Variants in SH2D3A observed in about 807,000 individuals in gnomAD.
SH2D3A encodes the protein SH2 domain-containing protein 3A.
Under a neutral mutation model 50.6 loss-of-function variants are expected in SH2D3A, and 46 were observed. The ratio of observed to expected loss-of-function variants is 0.91; its 90% CI spans 0.72 to 1.16. The LOEUF is 1.16. Ranked by LOEUF, SH2D3A falls within the 50% of genes most tolerant of loss-of-function variation. SH2D3A has a pLI of 0.00. For synonymous variants in SH2D3A, 377 were observed against 348.4 expected, an observed-to-expected ratio of 1.08 and a Z score of -0.91; for missense variants, 783 against 786.2, an observed-to-expected ratio of 1.00 and a Z score of 0.05.
At position 6,752,308 on chromosome 19, in the gene SH2D3A, T is replaced by G; in HGVS notation, c.*285A>C. 1 of 329,968 alleles carries G rather than the reference T, an allele frequency of 3.0e-6. No homozygotes were observed. The highest frequency in any genetic ancestry group is 5.5e-6 in the Non-Finnish European group (1 of 182,756). 20.4% of individuals were successfully genotyped at this position (329,968 alleles called of 1,614,324 possible). The stretch of plus-strand genomic sequence containing the variant: ...CTGAGATTACAGGCCTGAGCTGCTG[T>G]ATGGCTATGATTTTGTTAAAGGCCG... On this transcript the variant is annotated 3_prime_UTR_variant, in exon 10 of 10. Transcript: ENST00000245908.
Position 6,754,130 on chromosome 19 carries a change from G to C in SH2D3A, c.1306C>G (p.Arg436Gly). 1 of 1,613,378 alleles carries C rather than the reference G, an allele frequency of 6.2e-7. No individual in the cohort carries two copies. Among genetic ancestry groups the C allele is most frequent in the Non-Finnish European group, 8.5e-7 (1 of 1,179,752 alleles). Residue 436 changes from arginine (R) to glycine (G), a missense_variant, in exon 8 of 10, where the codon CGA becomes GGA. Physicochemically the swap from Arg to Gly is moderately radical, Grantham distance 125. Transcript: ENST00000245908. The part of the protein sequence containing the change: ...SRLEHTWRQL[R>G]RSHTEAALAF... ...AGCGCAGCCTCCGTGTGGCTCCTTCGGAGCTGGCGCCACGTGTGCTCCAAC... is the reference window on the plus strand; with the variant it reads ...AGCGCAGCCTCCGTGTGGCTCCTTCCGAGCTGGCGCCACGTGTGCTCCAAC...
At position 6,760,621 on chromosome 19, in the gene SH2D3A, A is replaced by C; in HGVS notation, c.419+17T>G. On this transcript the variant is annotated intron_variant, in intron 3 of 9. Coordinates refer to ENST00000245908, the MANE Select transcript of SH2D3A (RefSeq NM_005490.3). ...GAGTGTTGGGTGTTCTCAAGGAGGC[A>C]GGGAGACTGTGAGTACCTGAGAGGC... The C allele has an allele frequency of 6.5e-7, 1 of 1,528,740 alleles. No homozygotes were observed. The highest frequency in any genetic ancestry group is 8.8e-7 in the Non-Finnish European group (1 of 1,136,060). 94.7% of individuals were successfully genotyped at this position (1,528,740 alleles called of 1,614,324 possible).
intron 4 of SH2D3A, chr19:6,757,770 C>A: frequency 6.6e-6 from 1 of 152,262 alleles, no homozygotes; most frequent in Non-Finnish European, 1.5e-5. Context: ...CATGGGGAAA[C>A]CCCATCTCCA....
chr19:6,756,476 T>C lies in SH2D3A; in HGVS notation c.497-1161A>G, dbSNP rs145455556. Among the ~76,000 whole-genome samples, 173 of 152,098 alleles carry C rather than the reference T, an allele frequency of 1.1e-3. 4 individuals carry two copies. In the East Asian group the frequency reaches 0.029, roughly 25 times the overall value. On this transcript the variant is annotated intron_variant, in intron 4 of 9. Coordinates refer to ENST00000245908, the MANE Select transcript of SH2D3A (RefSeq NM_005490.3). ...ATTTCTTCTTAAAAAAAAAGATACA[T>C]GTGCAGAATGTGCAGGTTCAGTATC...
At chr19:6,755,418 C>G in intron 4 of SH2D3A, 103 bp from the exon 5 acceptor site, 1 of 767,476 alleles carries the variant, frequency 1.3e-6, no homozygotes, top group East Asian at 2.7e-5. Flanking sequence ...TCCATCCACT[C>G]ATTCCAATAA....
At position 6,754,067 on chromosome 19, in the gene SH2D3A, G is replaced by A; in HGVS notation, c.1369C>T (p.Leu457=). ...CTTCACTTACCAGCGCCCTCATCCA[G>A]AGCCCGCATCAGCGGCTTCAGCTCC... The part of the protein sequence containing the change: ...EQELKPLMRA[L]DEGAGPCDPG... The change falls in exon 8 of 10, where the codon CTG becomes TTG. Residue 457 remains leucine, a synonymous_variant. Transcript: ENST00000245908. The A allele has an allele frequency of 6.2e-7, 1 of 1,608,462 alleles. No individual in the cohort carries two copies. Among genetic ancestry groups the A allele is most frequent in the Non-Finnish European group, 8.5e-7 (1 of 1,176,708 alleles).
At position 6,753,048 on chromosome 19, in the gene SH2D3A, C is replaced by G. The variant is rs1969408465; in HGVS notation, c.1571-295G>C. Reference sequence around the variant, plus strand: ...GCTGTGCCTGGACGTGGGGCTGCCCCGAGGACGGGATCCCAGGTTGTCGGG... The same window carrying G: ...GCTGTGCCTGGACGTGGGGCTGCCCGGAGGACGGGATCCCAGGTTGTCGGG... On this transcript the variant is annotated intron_variant, in intron 9 of 9. Coordinates refer to ENST00000245908, the MANE Select transcript of SH2D3A (RefSeq NM_005490.3). 2.6e-5 allele frequency: 26 copies of G among 984,456 alleles called. 1 individual carries two copies. The highest frequency in any genetic ancestry group is 1.0e-3 in the Middle Eastern group (2 of 1,934). The allele number at this position is 984,456 out of a possible 1,614,324, so 61.0% of individuals were successfully genotyped here.
intron 1 of SH2D3A, among the ~76,000 whole-genome samples, chr19:6,766,955 G>A (rs986426271): frequency 1.3e-5 from 2 of 152,162 alleles, no homozygotes; most frequent in Admixed American, 6.6e-5. Flanking sequence ...AGATGGACTT[G>A]CTTTTTACAT....
intron 9 of SH2D3A, chr19:6,753,064 G>A: frequency 1.0e-6 from 1 of 985,290 alleles, no homozygotes; most frequent in Non-Finnish European, 1.2e-6. Flanking sequence ...CGGGATCCCA[G>A]GTTGTCGGGG....
chr19:6,760,772 A>T lies in SH2D3A; in HGVS notation c.285T>A (p.Tyr95Ter). Residue 95 changes from tyrosine (Y) to a stop codon, truncating the protein, a stop_gained, in exon 3 of 10, where the codon TAT (tyrosine) becomes TAA (stop). Coordinates refer to ENST00000245908, the MANE Select transcript of SH2D3A (RefSeq NM_005490.3). LOFTEE classifies it high-confidence loss of function. ...FPSIPALVHS[Y>*]MTGRRPLSQA... ...GGGACAGTGGGCGCCTGCCTGTCAT[A>T]TAACTGTGAACCAGAGCCGGTATGC... 6.2e-7 allele frequency: 1 copy of T among 1,614,218 alleles called. No homozygotes were observed. Among genetic ancestry groups the T allele is most frequent in the Non-Finnish European group, 8.5e-7 (1 of 1,180,030 alleles).
rs1568259713 is a variant in SH2D3A, at chr19:6,752,475, G to A, written c.*118C>T. On this transcript the variant is annotated 3_prime_UTR_variant, in exon 10 of 10. Coordinates refer to ENST00000245908, the MANE Select transcript of SH2D3A (RefSeq NM_005490.3). ...CCTGACTGCGGTCCCCACCTCTTCT[G>A]TGAGGCACAGGGCAGGATTCCACCT... The A allele has an allele frequency of 1.0e-6, 1 of 985,764 alleles. No homozygotes were observed. The highest frequency in any genetic ancestry group is 1.4e-6 in the Non-Finnish European group (1 of 726,948). The allele number at this position is 985,764 out of a possible 1,614,324, so 61.1% of individuals were successfully genotyped here. A position where few individuals can be genotyped will look rare whatever the true frequency, so the allele number is the denominator to read the frequency against.
chr19:6,762,750 C>T (rs1259656372), intron 2 of SH2D3A, among the ~76,000 whole-genome samples: 3 of 148,294 alleles, frequency 2.0e-5, no homozygotes, highest in South Asian at 2.2e-4. Context: ...AACTCCTGAC[C>T]TCAAGTGATC....
intron 1 of SH2D3A, among the ~76,000 whole-genome samples, chr19:6,766,844 G>A (rs1340242996): frequency 6.6e-6 from 1 of 152,218 alleles, no homozygotes; most frequent in African/African-American, 2.4e-5. Context: ...CCTATAAAGT[G>A]ACATTGGAAC....
Position 6,754,864 on chromosome 19 carries a change from G to T in SH2D3A, c.948C>A (p.Ser316Arg), listed in dbSNP as rs1444826335. Residue 316 changes from serine (S) to arginine (R), a missense_variant, in exon 5 of 10, where the codon AGC becomes AGA. Coordinates refer to ENST00000245908, the MANE Select transcript of SH2D3A (RefSeq NM_005490.3). ...RGLFLEHHPG[S>R]TALHLLLVDC... ...CTACCAATAGCAGGTGAAGGGCGGT[G>T]CTCCCAGGATGGTGCTCCAGGAACA... 4 of 1,598,568 alleles carry T rather than the reference G, an allele frequency of 2.5e-6. No homozygotes were observed. Among genetic ancestry groups the T allele is most frequent in the East Asian group, 4.5e-5 (2 of 44,712 alleles).
rs985815478 is a variant in SH2D3A, at chr19:6,761,006, G to C, written c.70-19C>G. The C allele has an allele frequency of 6.3e-6, 10 of 1,582,002 alleles. No individual in the cohort carries two copies. Among genetic ancestry groups the C allele is most frequent in the Admixed American group, 1.7e-5 (1 of 57,264 alleles). ...CAGCCTTCTGTGGATGAAGTTCAGG[G>C]GGCAGGGGAATTAGGAATGAGTCCA... On this transcript the variant is annotated intron_variant, in intron 2 of 9. Transcript: ENST00000245908.
At chr19:6,755,954 C>G (rs1969642077) in intron 4 of SH2D3A, among the ~76,000 whole-genome samples, 1 of 150,704 alleles carries the variant, frequency 6.6e-6, no homozygotes, top group Non-Finnish European at 1.5e-5. Context: ...TGGCATGCAC[C>G]TGTGGTCCCA....
chr19:6,753,688 C>T (rs1334975463), intron 8 of SH2D3A, 47 bp from the exon 9 acceptor site: 3 of 1,473,524 alleles, frequency 2.0e-6, no homozygotes, highest in Non-Finnish European at 2.7e-6. Context: ...GTAGATGGGG[C>T]ATAGGGCAGA....
chr19:6,760,766 T>G lies in SH2D3A; in HGVS notation c.291A>C (p.Thr97=). The change falls in exon 3 of 10, where the codon ACA becomes ACC. Residue 97 remains threonine, a synonymous_variant. Transcript: ENST00000245908. The stretch of plus-strand genomic sequence containing the variant: ...TGGCCTGGGACAGTGGGCGCCTGCC[T>G]GTCATATAACTGTGAACCAGAGCCG... ...SIPALVHSYM[T]GRRPLSQATG... is the part of the protein sequence containing the mutation. 6.2e-7 allele frequency: 1 copy of G among 1,614,222 alleles called. No homozygotes were observed. Among genetic ancestry groups the G allele is most frequent in the Non-Finnish European group, 8.5e-7 (1 of 1,180,036 alleles).
chr19:6,752,889 T>C, intron 9 of SH2D3A, 136 bp from the exon 10 acceptor site: 1 of 1,396,456 alleles, frequency 7.2e-7, no homozygotes, highest in Non-Finnish European at 9.3e-7. Context: ...ACCTGCGGGA[T>C]GACTAGGCGG....
Sources: gnomAD v4.1 joint callset for allele counts (sites outside exome capture counted in the v4.1 genomes callset) on GRCh38, gnomAD v4.1.1 for gene constraint, MANE v1.5 for transcripts, NCBI Gene and HGNC (gene_info 2026-07-23, HGNC 2026-07-21) for gene names.